CEP128: variants seen among roughly 807,000 people sequenced by gnomAD.
CEP128 encodes the protein centrosomal protein 128kDa.
In CEP128, 132 loss-of-function variants were observed where a neutral mutation model predicts 156.7. The observed-to-expected ratio is 0.84, with a 90% CI of 0.73 to 0.97. The LOEUF is 0.97. Among genes scored for constraint, CEP128 ranks in the 50% least tolerant of loss-of-function variants. The pLI is 0.00. For synonymous variants in CEP128, 469 were observed against 448.9 expected, an observed-to-expected ratio of 1.04 and a Z score of -0.57; for missense variants, 1,252 against 1,281.9, an observed-to-expected ratio of 0.98 and a Z score of 0.36.
At chr14:80,696,653 G>A (rs1000196156) in intron 19 of CEP128, among the ~76,000 whole-genome samples, 27 of 152,128 alleles carry the variant, frequency 1.8e-4, no homozygotes, top group African/African-American at 5.3e-4. Flanking sequence ...ACTGAAAAGT[G>A]ACCTTTGTAT....
Position 80,608,434 on chromosome 14 carries a change from T to C in CEP128, c.2807-28011A>G, listed in dbSNP as rs574236855. On this transcript the variant is annotated intron_variant, in intron 19 of 24. Transcript: ENST00000555265. Reference sequence around the variant, plus strand: ...TGAACTTTATACAACACAGACAACATCTCATTTTACACTCTTACTGTCCTC... The same window carrying C: ...TGAACTTTATACAACACAGACAACACCTCATTTTACACTCTTACTGTCCTC... Among the ~76,000 whole-genome samples the C allele has an allele frequency of 1.1e-3, 166 of 152,232 alleles. 7 individuals carry two copies. The South Asian group carries it at 0.021, about 19-fold the overall frequency.
At chr14:80,910,524 T>C (rs115016797) in intron 4 of CEP128, among the ~76,000 whole-genome samples, 7,361 of 152,254 alleles carry the variant, frequency 0.048, 618 homozygotes, top group African/African-American at 0.17. Flanking sequence ...ATGTGTGTGC[T>C]TCCCCTTTGC....
chr14:80,644,740 G>A (rs1442428483), intron 19 of CEP128, among the ~76,000 whole-genome samples: 1 of 151,930 alleles, frequency 6.6e-6, no homozygotes, highest in African/African-American at 2.4e-5. Flanking sequence ...ATAAAATTAA[G>A]TTCATTGGAA....
chr14:80,911,698 T>C (rs1884224670), intron 4 of CEP128, among the ~76,000 whole-genome samples: 1 of 152,196 alleles, frequency 6.6e-6, no homozygotes, highest in African/African-American at 2.4e-5. Flanking sequence ...TAAGATGATC[T>C]ATGTAAAATA....
chr14:80,717,685 G>A (rs1897659175), intron 19 of CEP128, among the ~76,000 whole-genome samples: 1 of 152,158 alleles, frequency 6.6e-6, no homozygotes. Flanking sequence ...TGCAAAGACT[G>A]TGCTTCTACC....
At chr14:80,686,721 A>G (rs2139284194) in intron 19 of CEP128, among the ~76,000 whole-genome samples, 1 of 152,226 alleles carries the variant, frequency 6.6e-6, no homozygotes, top group East Asian at 1.9e-4. Flanking sequence ...AAAATTTAAA[A>G]ACAAAGGAAA....
rs1327943737 is a variant in CEP128 at position 80,792,944 on chromosome 14, T to A, written c.1376A>T (p.Glu459Val). The change falls in exon 14 of 25, where the codon GAG becomes GTG. Residue 459 changes from glutamate (E) to valine (V), a missense_variant. Coordinates refer to ENST00000555265, the MANE Select transcript of CEP128 (RefSeq NM_152446.5). ...CTGCTGGAGCTCACTGAGGTACCGC[T>A]CAGCCTGCTTGGTTGCATCCTCCGC... is the stretch of plus-strand genomic sequence containing the variant. ...RHAEDATKQA[E>V]RYLSELQQSE... 6.2e-7 allele frequency: 1 copy of A among 1,614,206 alleles called. No individual in the cohort carries two copies. The highest frequency in any genetic ancestry group is 2.2e-5 in the East Asian group (1 of 44,884).
chr14:80,777,562 A>T (rs1206038379), intron 16 of CEP128, among the ~76,000 whole-genome samples: 1 of 152,220 alleles, frequency 6.6e-6, no homozygotes, highest in Admixed American at 6.5e-5. Flanking sequence ...GACATAGGTC[A>T]ATCAGTTGGC....
chr14:80,479,470 A>C (rs548943187), intron 14 of CEP128, among the ~76,000 whole-genome samples: 16 of 152,234 alleles, frequency 1.1e-4, no homozygotes, highest in African/African-American at 2.9e-4. Flanking sequence ...AAATAAGAAG[A>C]AGCAAAAGCG....
intron 21 of CEP128, among the ~76,000 whole-genome samples, chr14:80,548,506 A>T (rs527662315): frequency 8.1e-4 from 123 of 152,312 alleles, no homozygotes; most frequent in African/African-American, 2.9e-3. Context: ...TACTATCATT[A>T]CTCTGAGCTT....
chr14:80,513,635 A>G (rs1047002180), intron 23 of CEP128, among the ~76,000 whole-genome samples: 1 of 152,106 alleles, frequency 6.6e-6, no homozygotes, highest in Non-Finnish European at 1.5e-5. Flanking sequence ...ACTAAGCTCT[A>G]TTTTTTAATC....
chr14:80,763,093 T>C (rs1030327653), intron 16 of CEP128, among the ~76,000 whole-genome samples: 4 of 152,176 alleles, frequency 2.6e-5, no homozygotes, highest in Non-Finnish European at 4.4e-5. Context: ...GAAGGCAAAC[T>C]ATAATCAGAC....
At chr14:80,688,261 T>A (rs1360588366) in intron 19 of CEP128, among the ~76,000 whole-genome samples, 1 of 152,184 alleles carries the variant, frequency 6.6e-6, no homozygotes, top group African/African-American at 2.4e-5. Flanking sequence ...AACTCCTTAG[T>A]CAGGTCTCAA....
At chr14:80,697,352 T>C (rs906530813) in intron 19 of CEP128, among the ~76,000 whole-genome samples, 1 of 152,100 alleles carries the variant, frequency 6.6e-6, no homozygotes, top group African/African-American at 2.4e-5. Context: ...GGTAATGGAT[T>C]TTCTATTTTC....
At chr14:80,788,550 T>C (rs912973023) in intron 14 of CEP128, among the ~76,000 whole-genome samples, 4 of 152,062 alleles carry the variant, frequency 2.6e-5, no homozygotes, top group Admixed American at 2.0e-4. Flanking sequence ...AAGGCTGAAA[T>C]ATGTACACAA....
At chr14:80,924,353 T>C (rs1173490160) in intron 2 of CEP128, among the ~76,000 whole-genome samples, 1 of 152,244 alleles carries the variant, frequency 6.6e-6, no homozygotes, top group Admixed American at 6.5e-5. Flanking sequence ...AGTTCTGTTA[T>C]GTTAGTGAAC....
intron 1 of CEP128, among the ~76,000 whole-genome samples, chr14:80,959,243 G>A (rs1450143455): frequency 6.6e-6 from 1 of 151,944 alleles, no homozygotes; most frequent in Non-Finnish European, 1.5e-5. Flanking sequence ...CACTGCCAGT[G>A]GAACATTCTA....
intron 19 of CEP128, among the ~76,000 whole-genome samples, chr14:80,659,998 AT>A (rs1470710461): frequency 1.3e-5 from 2 of 152,308 alleles, no homozygotes; most frequent in East Asian, 3.9e-4. Context: ...ACTGAACAGT[AT>A]GTGGTAAAGC....
intron 13 of CEP128, among the ~76,000 whole-genome samples, chr14:80,829,151 T>C (rs1885645657): frequency 1.3e-5 from 2 of 152,166 alleles, no homozygotes; most frequent in African/African-American, 2.4e-5. Context: ...TCTAACTTAA[T>C]AGTTCTTTTA....
Sources: gnomAD v4.1 joint callset for allele counts (sites outside exome capture counted in the v4.1 genomes callset) on GRCh38, gnomAD v4.1.1 for gene constraint, MANE v1.5 for transcripts, NCBI Gene and HGNC (gene_info 2026-07-23, HGNC 2026-07-21) for gene names.